KAZN: variants seen among roughly 807,000 people sequenced by gnomAD.
KAZN encodes the protein kazrin.
Under a neutral mutation model 87.4 loss-of-function variants are expected in KAZN, and 40 were observed. The observed-to-expected ratio is 0.46, with a 90% CI of 0.36 to 0.60. The LOEUF is 0.60. Ranked by LOEUF, KAZN falls within the 20% of genes least tolerant of loss-of-function variation. KAZN has a pLI of 0.00. For synonymous variants in KAZN, 466 were observed against 458.3 expected, an observed-to-expected ratio of 1.02 and a Z score of -0.22; for missense variants, 898 against 1,073.9, an observed-to-expected ratio of 0.84 and a Z score of 2.29.
At chr1:14,853,882 C>T (rs1196501220) in intron 1 of KAZN, among the ~76,000 whole-genome samples, 1 of 152,140 alleles carries the variant, frequency 6.6e-6, no homozygotes, top group Non-Finnish European at 1.5e-5. Context: ...GCCTGTGGAC[C>T]ACCCTTGGGC....
chr1:14,776,469 C>G (rs1431670205), intron 1 of KAZN, among the ~76,000 whole-genome samples: 1 of 152,214 alleles, frequency 6.6e-6, no homozygotes, highest in Non-Finnish European at 1.5e-5. Context: ...CAACTAAGCG[C>G]TCTTCATCCA....
chr1:14,116,687 C>T (rs1178304783), intron 1 of KAZN, among the ~76,000 whole-genome samples: 1 of 152,166 alleles, frequency 6.6e-6, no homozygotes, highest in East Asian at 1.9e-4. Flanking sequence ...GGGCCACTGT[C>T]CTCCAGACCC....
chr1:14,116,453 T>C (rs1304770920), intron 1 of KAZN, among the ~76,000 whole-genome samples: 3 of 152,176 alleles, frequency 2.0e-5, no homozygotes, highest in Non-Finnish European at 4.4e-5. Flanking sequence ...TTCCATGTGA[T>C]GTTGAGCCTG....
chr1:13,977,077 G>C (rs1034668582), intron 1 of KAZN, among the ~76,000 whole-genome samples: 2 of 152,130 alleles, frequency 1.3e-5, no homozygotes, highest in African/African-American at 4.8e-5. Context: ...ATACAGGTTG[G>C]TTCCCCATTG....
intron 2 of KAZN, among the ~76,000 whole-genome samples, chr1:14,574,814 G>A (rs1175993493): frequency 1.3e-5 from 2 of 152,184 alleles, no homozygotes; most frequent in East Asian, 1.9e-4. Flanking sequence ...AACTGACAGT[G>A]GCAGGATCAT....
intron 1 of KAZN, among the ~76,000 whole-genome samples, chr1:14,875,280 G>A (rs570209862): frequency 5.5e-5 from 8 of 144,732 alleles, no homozygotes; most frequent in Middle Eastern, 8.0e-3. Flanking sequence ...GCAGTGGGCC[G>A]AGATCATGCC....
intron 1 of KAZN, among the ~76,000 whole-genome samples, chr1:14,749,686 G>A (rs1572388676): frequency 6.6e-6 from 1 of 152,160 alleles, no homozygotes; most frequent in East Asian, 1.9e-4. Flanking sequence ...CTCAGGACCT[G>A]TGCGTCCTCA....
At chr1:15,037,563 G>A (rs1672464896) in intron 3 of KAZN, among the ~76,000 whole-genome samples, 1 of 152,140 alleles carries the variant, frequency 6.6e-6, no homozygotes. Flanking sequence ...AGCAAGGGGG[G>A]TAGGGGCATA....
intron 1 of KAZN, among the ~76,000 whole-genome samples, chr1:14,114,312 T>C (rs901118792): frequency 6.6e-6 from 1 of 152,158 alleles, no homozygotes; most frequent in African/African-American, 2.4e-5. Flanking sequence ...AGTGCACTTT[T>C]GAGGCAGGAC....
intron 1 of KAZN, among the ~76,000 whole-genome samples, chr1:14,082,594 A>G (rs1375877378): frequency 6.6e-6 from 1 of 152,134 alleles, no homozygotes; most frequent in African/African-American, 2.4e-5. Flanking sequence ...ACAAAATTAG[A>G]CCGAGTGCTG....
intron 2 of KAZN, among the ~76,000 whole-genome samples, chr1:14,365,896 CTAA>C (rs1284736217): frequency 6.6e-6 from 1 of 152,042 alleles, no homozygotes; most frequent in Non-Finnish European, 1.5e-5. Context: ...TGGCATATTG[CTAA>C]TAATAACGAC....
chr1:14,459,072 A>G (rs1667716823), intron 2 of KAZN, among the ~76,000 whole-genome samples: 1 of 151,678 alleles, frequency 6.6e-6, no homozygotes, highest in African/African-American at 2.4e-5. Context: ...CAGTGATTGG[A>G]CTCCCCCAAG....
chr1:14,047,695 C>G (rs1256548207), intron 1 of KAZN, among the ~76,000 whole-genome samples: 1 of 152,056 alleles, frequency 6.6e-6, no homozygotes, highest in African/African-American at 2.4e-5. Context: ...TGGTGAAACC[C>G]CGTCTCTACT....
At chr1:14,858,464 C>T (rs1349928252) in intron 1 of KAZN, among the ~76,000 whole-genome samples, 3 of 152,094 alleles carry the variant, frequency 2.0e-5, no homozygotes, top group Admixed American at 6.5e-5. Flanking sequence ...CCACCGGCCT[C>T]GGCCTCCTAA....
At chr1:14,009,541 C>G (rs1640191829) in intron 1 of KAZN, among the ~76,000 whole-genome samples, 1 of 152,170 alleles carries the variant, frequency 6.6e-6, no homozygotes, top group Non-Finnish European at 1.5e-5. Context: ...ATTTTCCCAA[C>G]AACCCTTTGA....
rs1239007316 is a variant in KAZN, at chr1:15,094,355, G to C, written c.1398G>C (p.Lys466Asn). 6.2e-7 allele frequency: 1 copy of C among 1,613,668 alleles called. No individual in the cohort carries two copies. The highest frequency in any genetic ancestry group is 1.6e-4 in the Middle Eastern group (1 of 6,062). Residue 466 changes from lysine to asparagine, a missense_variant, in exon 9 of 15, where the codon AAG (lysine) becomes AAC (asparagine). This residue lies in a region of KAZN where 521 missense variants were observed against 689.4 expected (regional missense o/e 0.76). Transcript: ENST00000376030. This position sits in a 1 kb window ranked among gnomAD's most constrained non-coding sequence, Gnocchi z 4.5. ...EVVMAMPMYV[K>N]ACTENVKSGK... The stretch of plus-strand genomic sequence containing the variant: ...TGATGGCCATGCCTATGTACGTCAA[G>C]GCCTGCACGGAGAACGTGAAGAGCG...
chr1:14,816,072 G>A (rs1229279968), intron 1 of KAZN, among the ~76,000 whole-genome samples: 1 of 152,100 alleles, frequency 6.6e-6, no homozygotes, highest in Non-Finnish European at 1.5e-5. Flanking sequence ...GCTTCTGTTG[G>A]GGTTTGAGGA....
intron 1 of KAZN, among the ~76,000 whole-genome samples, chr1:13,975,443 T>C (rs1299391414): frequency 6.6e-6 from 1 of 152,248 alleles, no homozygotes; most frequent in Non-Finnish European, 1.5e-5. Flanking sequence ...CTCTTTCCTC[T>C]GCACTTAGAA....
rs115192966 is a variant in KAZN, at chr1:14,725,931, G to A, written c.226+126708G>A. Among the ~76,000 whole-genome samples the A allele has an allele frequency of 8.2e-3, 1,243 of 152,294 alleles. 35 individuals carry two copies. Among genetic ancestry groups the A allele is most frequent in the African/African-American group, 0.028 (1,181 of 41,558 alleles). On this transcript the variant is annotated intron_variant, in intron 1 of 14. Coordinates refer to ENST00000376030, the MANE Select transcript of KAZN (RefSeq NM_201628.3). ...GCCCTGCTAATTAGGGGAGGGAAGC[G>A]GATGGGCTCAAAGCCACTGAATAGC...
Sources: allele counts gnomAD v4.1 joint callset (sites outside exome capture counted in the v4.1 genomes callset), GRCh38; gene constraint gnomAD v4.1.1; regional missense constraint gnomAD v4.1.1; non-coding constraint Gnocchi (gnomAD v3.1); transcripts MANE v1.5; gene names NCBI Gene and HGNC (gene_info 2026-07-23, HGNC 2026-07-21).